PROM1: variants seen among roughly 807,000 people sequenced by gnomAD.
The protein encoded by PROM1 is prominin 1.
A neutral mutation model predicts 116.9 loss-of-function variants in PROM1; 105 were observed. The ratio of observed to expected loss-of-function variants is 0.90; its 90% CI spans 0.77 to 1.06. The LOEUF (loss-of-function observed/expected upper bound fraction) is 1.06. Ranked by LOEUF, PROM1 falls within the 50% of genes least tolerant of loss-of-function variation. The pLI is 0.00. For synonymous variants in PROM1, 393 were observed against 387.0 expected, an observed-to-expected ratio of 1.02 and a Z score of -0.18; for missense variants, 1,122 against 1,045.2, an observed-to-expected ratio of 1.07 and a Z score of -1.01.
intron 1 of PROM1, chr4:16,079,788 A>T (rs975356532): frequency 1.3e-5 from 2 of 152,130 alleles, no homozygotes; most frequent in African/African-American, 4.8e-5. Flanking sequence ...TAGTCAATTC[A>T]TGTCACTTTC....
At chr4:16,065,389 G>A (rs1475109991) in intron 2 of PROM1, among the ~76,000 whole-genome samples, 1 of 152,188 alleles carries the variant, frequency 6.6e-6, no homozygotes, top group Non-Finnish European at 1.5e-5. Flanking sequence ...TCATAGCTTA[G>A]TTTGAATGCT....
chr4:16,017,542 C>T lies in PROM1; in HGVS notation c.1002+781G>A, dbSNP rs540370703. 1.1e-4 allele frequency among the ~76,000 whole-genome samples: 16 copies of T among 152,200 alleles called. No individual in the cohort carries two copies. In the South Asian group the frequency reaches 1.5e-3, roughly 14 times the overall value. On this transcript the variant is annotated intron_variant, in intron 9 of 27. Transcript: ENST00000447510. ...TATTTTATATAAAATGTGAGGTGTC[C>T]GGGCGTGGTGGCTCATGCCTGTAAT...
At chr4:16,029,783 G>A (rs963121550) in intron 5 of PROM1, among the ~76,000 whole-genome samples, 2 of 152,160 alleles carry the variant, frequency 1.3e-5, no homozygotes, top group Non-Finnish European at 2.9e-5. Context: ...ATAAAAGGCA[G>A]GTGGACTGCT....
At chr4:15,978,189 A>G (rs1306225475) in intron 26 of PROM1, among the ~76,000 whole-genome samples, 3 of 152,326 alleles carry the variant, frequency 2.0e-5, no homozygotes, top group African/African-American at 7.2e-5. Flanking sequence ...AACTGTGAGA[A>G]ATAAACCCTG....
chr4:15,974,481 G>A (rs1258550357), intron 26 of PROM1, among the ~76,000 whole-genome samples: 1 of 152,186 alleles, frequency 6.6e-6, no homozygotes, highest in Non-Finnish European at 1.5e-5. Context: ...AACTGAGTTT[G>A]CCACTCAGAA....
intron 11 of PROM1, among the ~76,000 whole-genome samples, chr4:16,011,550 G>A (rs1487585748): frequency 6.6e-6 from 1 of 152,200 alleles, no homozygotes; most frequent in African/African-American, 2.4e-5. Flanking sequence ...CGCACTCAAT[G>A]CACGCAGCAC....
chr4:15,994,056 A>G lies in PROM1; in HGVS notation c.1698T>C (p.Asn566=), dbSNP rs1553898420. 1.9e-6 allele frequency: 3 copies of G among 1,609,296 alleles called. No homozygotes were observed. Among genetic ancestry groups the G allele is most frequent in the Admixed American group, 1.7e-5 (1 of 59,610 alleles). The part of the protein sequence containing the change: ...FEQVYSDCKK[N]RGTYGTLHLQ... ...GGTGAAGAGTGCCGTAAGTGCCTCT[A>G]TTTTTTTTGCAGTCACTGTGGGAAT... Residue 566 remains asparagine (N), a synonymous_variant, in exon 16 of 28, where the codon AAT becomes AAC. Transcript: ENST00000447510.
intron 4 of PROM1, among the ~76,000 whole-genome samples, chr4:16,035,302 A>G (rs1254214982): frequency 6.6e-6 from 1 of 152,240 alleles, no homozygotes; most frequent in Non-Finnish European, 1.5e-5. Flanking sequence ...TGTAAATTCT[A>G]TCTGAATTCC....
At chr4:15,970,240 A>C (rs1714110332) in intron 27 of PROM1, among the ~76,000 whole-genome samples, 1 of 140,266 alleles carries the variant, frequency 7.1e-6, no homozygotes, top group South Asian at 2.2e-4. Context: ...ATCTCGGCTC[A>C]CTGCAACCTC....
intron 4 of PROM1, among the ~76,000 whole-genome samples, chr4:16,034,124 A>T (rs752453821): frequency 1.3e-5 from 2 of 152,212 alleles, no homozygotes; most frequent in Non-Finnish European, 2.9e-5. Flanking sequence ...AAATCTTGGC[A>T]GGAGTACTTG....
intron 15 of PROM1, among the ~76,000 whole-genome samples, chr4:15,995,333 AAGAAGACG>A (rs1722049418): frequency 1.3e-5 from 2 of 151,294 alleles, no homozygotes; most frequent in Non-Finnish European, 3.0e-5. Flanking sequence ...GAAGAAGACG[AAGAAGACG>A]AAGAAGAAGA....
At chr4:15,997,706 C>G (rs535165486) in intron 15 of PROM1, among the ~76,000 whole-genome samples, 5 of 152,250 alleles carry the variant, frequency 3.3e-5, no homozygotes, top group Non-Finnish European at 5.9e-5. Flanking sequence ...CTCAGGTGAT[C>G]CACCTGCCTC....
intron 22 of PROM1, among the ~76,000 whole-genome samples, chr4:15,984,711 A>C (rs55951685): frequency 0.11 from 16,702 of 152,258 alleles, 1,207 homozygotes; most frequent in Admixed American, 0.2. Context: ...ACATGCGAGG[A>C]ATCTCAATTG....
chr4:16,004,832 TCTTCCTTCCTTC>T (rs561919636), intron 13 of PROM1, among the ~76,000 whole-genome samples: 22 of 122,610 alleles, frequency 1.8e-4, no homozygotes, highest in Admixed American at 7.6e-4. Flanking sequence ...TCTTTCTTTT[TCTTCCTTCCTTC>T]CTTCCTTCCT....
At chr4:15,983,613 T>C (rs1233104344) in intron 23 of PROM1, among the ~76,000 whole-genome samples, 5 of 152,030 alleles carry the variant, frequency 3.3e-5, no homozygotes, top group Admixed American at 3.3e-4. Context: ...GAGATTTATT[T>C]GATGAAGTGA....
rs550664908 is a variant in PROM1, at chr4:16,066,208, C to A, written c.220+9479G>T. On this transcript the variant is annotated intron_variant, in intron 2 of 27. Coordinates refer to ENST00000447510, the MANE Select transcript of PROM1 (RefSeq NM_006017.3). ...ATGTGTTATGGTTGCCCTAGGAAAC[C>A]AATAAAGCGAAGGTCAAATAAATAC... is the stretch of plus-strand genomic sequence containing the variant. 3.5e-3 allele frequency among the ~76,000 whole-genome samples: 526 copies of A among 152,212 alleles called. 14 individuals carry two copies. Among genetic ancestry groups the A allele is most frequent in the Admixed American group, 0.027 (408 of 15,286 alleles).
Position 15,993,951 on chromosome 4 carries a change from ATG to A in PROM1, c.1767+34_1767+35del, listed in dbSNP as rs1415413617. The A allele has an allele frequency of 3.1e-6, 5 of 1,590,656 alleles. No homozygotes were observed. The African/African-American group carries it at 4.0e-5, about 13-fold the overall frequency. On this transcript the variant is annotated intron_variant, in intron 16 of 27. Transcript: ENST00000447510. ...AAAGACACCTAGATTTGGTGAAGGA[ATG>A]TGTTATGTCGATTCCATGACGAGTT...
At chr4:16,024,711 G>A (rs1560513768) in intron 6 of PROM1, among the ~76,000 whole-genome samples, 1 of 151,970 alleles carries the variant, frequency 6.6e-6, no homozygotes, top group African/African-American at 2.4e-5. Context: ...GTGTGTGTGT[G>A]TATGTGTGTG....
intron 25 of PROM1, 128 bp downstream of exon 25, chr4:15,979,753 T>C: frequency 1.0e-6 from 1 of 989,174 alleles, no homozygotes; most frequent in East Asian, 2.7e-5. Flanking sequence ...AATTTATTTT[T>C]GCCTGTACAG....
Sources: gnomAD v4.1 joint callset for allele counts (sites outside exome capture counted in the v4.1 genomes callset) on GRCh38, gnomAD v4.1.1 for gene constraint, MANE v1.5 for transcripts, NCBI Gene and HGNC (gene_info 2026-07-23, HGNC 2026-07-21) for gene names.